Variants in SLC24A2 observed in about 807,000 individuals in gnomAD.
The protein encoded by SLC24A2 is solute carrier family 24 member 2.
A neutral mutation model predicts 62.0 loss-of-function variants in SLC24A2; 36 were observed. The observed-to-expected ratio is 0.58, with a 90% CI of 0.44 to 0.77. The LOEUF (loss-of-function observed/expected upper bound fraction) is 0.77. SLC24A2 is among the 30% of genes least tolerant of loss of function. The pLI is 0.00. For missense variants in SLC24A2, 846 were observed against 817.9 expected (o/e 1.03, Z -0.42); for synonymous variants, 358 against 294.0 (o/e 1.22, Z -2.23).
the SLC24A2 span, among the ~76,000 whole-genome samples, chr9:20,012,469 G>A: frequency 3.3e-5 from 5 of 152,022 alleles, no homozygotes; most frequent in Admixed American, 6.6e-5. Context: ...ATGTGGGTGG[G>A]GACACAGTCA....
the SLC24A2 span, among the ~76,000 whole-genome samples, chr9:19,961,050 G>GTGTGTGTT: frequency 1.1e-4 from 17 of 150,108 alleles, no homozygotes; most frequent in African/African-American, 3.7e-4. Context: ...GTGTGTGTGT[G>GTGTGTGTT]TGAGTGAGAG....
At chr9:19,807,565 A>G in the SLC24A2 span, among the ~76,000 whole-genome samples, 1 of 152,196 alleles carries the variant, frequency 6.6e-6, no homozygotes, top group African/African-American at 2.4e-5. Flanking sequence ...TCAAAATATA[A>G]AAGGGTTACT....
the SLC24A2 span, chr9:19,927,444 G>A: frequency 2.0e-5 from 3 of 152,200 alleles, no homozygotes; most frequent in Non-Finnish European, 4.4e-5. Flanking sequence ...TTAGCACAAT[G>A]TTTGACCATA....
intron 7 of SLC24A2, among the ~76,000 whole-genome samples, chr9:19,561,746 A>C (rs1450525541): frequency 6.6e-6 from 1 of 151,904 alleles, no homozygotes; most frequent in Non-Finnish European, 1.5e-5. Flanking sequence ...AGACTTCTTA[A>C]AAATGATAAA....
intron 7 of SLC24A2, among the ~76,000 whole-genome samples, chr9:19,555,927 C>T (rs7048547): frequency 0.12 from 18,499 of 152,052 alleles, 1,260 homozygotes; most frequent in African/African-American, 0.18. Context: ...CCTGGCAACA[C>T]AGACTCCATC....
intron 2 of SLC24A2, among the ~76,000 whole-genome samples, chr9:19,647,266 A>G (rs1006210240): frequency 1.4e-5 from 2 of 143,330 alleles, no homozygotes; most frequent in African/African-American, 5.0e-5. Flanking sequence ...AAAGGTGTTC[A>G]CAGAAATATT....
At chr9:20,124,653 C>T in the SLC24A2 span, among the ~76,000 whole-genome samples, 1 of 152,128 alleles carries the variant, frequency 6.6e-6, no homozygotes, top group East Asian at 1.9e-4. Flanking sequence ...GTGTTATGGA[C>T]CAGTGTGGAA....
the SLC24A2 span, among the ~76,000 whole-genome samples, chr9:20,018,745 T>C: frequency 1.3e-5 from 2 of 152,076 alleles, no homozygotes; most frequent in Admixed American, 6.6e-5. Context: ...TAGGTATTAT[T>C]ATTATTACTA....
chr9:19,861,954 T>A, the SLC24A2 span, among the ~76,000 whole-genome samples: 4 of 152,044 alleles, frequency 2.6e-5, no homozygotes, highest in African/African-American at 9.7e-5. Context: ...ATCTAGAGAA[T>A]AGCTTCAAAA....
At chr9:19,857,610 C>G in the SLC24A2 span, among the ~76,000 whole-genome samples, 2 of 152,016 alleles carry the variant, frequency 1.3e-5, no homozygotes, top group Non-Finnish European at 2.9e-5. Context: ...TTATTTTACT[C>G]TTTTTGAAGC....
At chr9:20,161,315 G>C in the SLC24A2 span, among the ~76,000 whole-genome samples, 1 of 151,276 alleles carries the variant, frequency 6.6e-6, no homozygotes, top group Non-Finnish European at 1.5e-5. Context: ...TTAAAGACGA[G>C]ATAATCCCAA....
chr9:19,647,483 G>A (rs896152281), intron 2 of SLC24A2, among the ~76,000 whole-genome samples: 5 of 152,194 alleles, frequency 3.3e-5, no homozygotes, highest in African/African-American at 4.8e-5. Flanking sequence ...TTTTCATGTG[G>A]CAGGTGTCCC....
At chr9:19,636,385 T>TCCC (rs1564010039) in intron 2 of SLC24A2, among the ~76,000 whole-genome samples, 1 of 25,364 alleles carries the variant, frequency 3.9e-5, no homozygotes, top group African/African-American at 1.4e-4. Flanking sequence ...CTTTCTTTCT[T>TCCC]TCTCCCTCTC....
the SLC24A2 span, among the ~76,000 whole-genome samples, chr9:19,841,270 G>T: frequency 6.6e-6 from 1 of 152,142 alleles, no homozygotes; most frequent in South Asian, 2.1e-4. Context: ...GTGTTATGGA[G>T]TAAAATAAGG....
the SLC24A2 span, among the ~76,000 whole-genome samples, chr9:19,850,946 C>CATAT: frequency 9.0e-3 from 222 of 24,704 alleles, 15 homozygotes; most frequent in East Asian, 0.064. Flanking sequence ...TATATATATA[C>CATAT]ATATATATAT....
the SLC24A2 span, among the ~76,000 whole-genome samples, chr9:20,248,633 C>T: frequency 6.6e-6 from 1 of 152,190 alleles, no homozygotes; most frequent in African/African-American, 2.4e-5. Context: ...CCTCTGAATA[C>T]CATCGCATTG....
At chr9:19,886,731 T>C in the SLC24A2 span, among the ~76,000 whole-genome samples, 1 of 152,218 alleles carries the variant, frequency 6.6e-6, no homozygotes, top group Non-Finnish European at 1.5e-5. Flanking sequence ...TAAATCATTC[T>C]ATTATAAAGA....
chr9:19,988,797 C>G, the SLC24A2 span, among the ~76,000 whole-genome samples: 28 of 152,316 alleles, frequency 1.8e-4, no homozygotes, highest in African/African-American at 6.3e-4. Flanking sequence ...CAGAAGAACA[C>G]TGAATCCACT....
chr9:20,043,524 C>T, the SLC24A2 span, among the ~76,000 whole-genome samples: 1 of 152,120 alleles, frequency 6.6e-6, no homozygotes, highest in Non-Finnish European at 1.5e-5. Flanking sequence ...GTGATTCATA[C>T]CAGGAGATCA....
Sources: allele counts gnomAD v4.1 joint callset (sites outside exome capture counted in the v4.1 genomes callset), GRCh38; gene constraint gnomAD v4.1.1; transcripts MANE v1.5; gene names NCBI Gene and HGNC (gene_info 2026-07-23, HGNC 2026-07-21).